VTA1: variants seen among roughly 807,000 people sequenced by gnomAD.
VTA1 encodes the protein vesicle trafficking 1, also known as vacuolar protein sorting-associated protein VTA1 homolog.
A neutral mutation model predicts 36.9 loss-of-function variants in VTA1; 24 were observed. That is an observed-to-expected ratio of 0.65 (90% confidence interval 0.47 to 0.91). VTA1 has a LOEUF of 0.91. Among genes scored for constraint, VTA1 ranks in the 40% least tolerant of loss-of-function variants. The pLI, the probability that VTA1 is intolerant of heterozygous loss-of-function variation, is 0.00. For synonymous variants in VTA1, 142 were observed against 130.2 expected (o/e 1.09, Z -0.62); for missense variants, 393 against 377.2 (o/e 1.04, Z -0.35).
intron 4 of VTA1, among the ~76,000 whole-genome samples, chr6:142,185,626 A>G (rs1775324649): frequency 6.6e-6 from 1 of 152,242 alleles, no homozygotes. Context: ...TGGAAAAGTC[A>G]GTGCTTTAGC....
chr6:142,206,386 A>G (rs1775790823), intron 7 of VTA1, among the ~76,000 whole-genome samples: 1 of 152,264 alleles, frequency 6.6e-6, no homozygotes, highest in Non-Finnish European at 1.5e-5. Context: ...ATTCAGGTAT[A>G]AATGTAACAA....
At position 142,218,884 on chromosome 6, in the gene VTA1, A is replaced by G. The variant is rs1333455856; in HGVS notation, c.*241A>G. On this transcript the variant is annotated 3_prime_UTR_variant, in exon 8 of 8. Transcript: ENST00000367630. ...TAGGGCTGATGTTAGCAAGACCCTA[A>G]AAATGTCCATTGAACCCTGCTTCAA... The G allele has an allele frequency of 6.0e-6, 2 of 334,926 alleles. No homozygotes were observed. The highest frequency in any genetic ancestry group is 5.0e-5 in the Admixed American group (1 of 19,916). 20.7% of individuals were successfully genotyped at this position (334,926 alleles called of 1,614,324 possible). A position where few individuals can be genotyped will look rare whatever the true frequency, so the allele number is the denominator to read the frequency against.
At chr6:142,195,320 T>G (rs1775522627) in intron 5 of VTA1, among the ~76,000 whole-genome samples, 1 of 152,070 alleles carries the variant, frequency 6.6e-6, no homozygotes, top group African/African-American at 2.4e-5. Context: ...TTTTGTATCT[T>G]CAAGTGATTT....
At chr6:142,176,169 C>T (rs1448223218) in intron 4 of VTA1, among the ~76,000 whole-genome samples, 1 of 152,146 alleles carries the variant, frequency 6.6e-6, no homozygotes, top group Non-Finnish European at 1.5e-5. Context: ...ATTCATTTCA[C>T]TACTAGCAGT....
intron 1 of VTA1, among the ~76,000 whole-genome samples, chr6:142,154,984 G>A (rs1778636803): frequency 6.6e-6 from 1 of 151,814 alleles, no homozygotes; most frequent in Non-Finnish European, 1.5e-5. Flanking sequence ...CATTGATACA[G>A]CAGAACTTTG....
chr6:142,197,600 C>T (rs1411343756), intron 5 of VTA1, among the ~76,000 whole-genome samples: 1 of 152,190 alleles, frequency 6.6e-6, no homozygotes, highest in Non-Finnish European at 1.5e-5. Flanking sequence ...TTTCATTCCT[C>T]TGTTTTTATT....
chr6:142,210,127 A>C (rs1467475946), intron 7 of VTA1, among the ~76,000 whole-genome samples: 2 of 152,178 alleles, frequency 1.3e-5, no homozygotes, highest in African/African-American at 4.8e-5. Context: ...TTTACAACCA[A>C]CTTATTTTTG....
At chr6:142,166,731 C>T (rs1350300851) in intron 2 of VTA1, among the ~76,000 whole-genome samples, 4 of 151,998 alleles carry the variant, frequency 2.6e-5, no homozygotes, top group Non-Finnish European at 4.4e-5. Context: ...AAGCAATTCT[C>T]TTACATCAGC....
Position 142,221,174 on chromosome 6 carries a change from T to C in VTA1, c.*2531T>C, listed in dbSNP as rs1366917148. ...CAAAGGTGTCTCTGGACGACCGGCA[T>C]CAGCATCACCTGCGAACTTGCTAGA... On this transcript the variant is annotated 3_prime_UTR_variant, in exon 8 of 8. Coordinates refer to ENST00000367630, the MANE Select transcript of VTA1 (RefSeq NM_016485.5). 1 of 152,220 alleles carries C rather than the reference T, an allele frequency of 6.6e-6. No individual in the cohort carries two copies. The highest frequency in any genetic ancestry group is 1.5e-5 in the Non-Finnish European group (1 of 68,042). The allele number at this position is 152,220 out of a possible 1,614,324, so 9.4% of individuals were successfully genotyped here. A position where few individuals can be genotyped will look rare whatever the true frequency, so the allele number is the denominator to read the frequency against.
In VTA1 at chr6:142,190,176, T is replaced by C. The variant is rs1453968351; in HGVS notation, c.520+642T>C. Among the ~76,000 whole-genome samples the C allele has an allele frequency of 3.9e-4, 60 of 152,198 alleles. 1 individual carries two copies. The highest frequency in any genetic ancestry group is 5.9e-5 in the Non-Finnish European group (4 of 68,036). On this transcript the variant is annotated intron_variant, in intron 5 of 7. Coordinates refer to ENST00000367630, the MANE Select transcript of VTA1 (RefSeq NM_016485.5). Reference sequence around the variant, plus strand: ...ATTTTTTGTAAATCTATTTGAGTTATGTAGGTTATTTGCGGAGTTAGTAAT... The same window carrying C: ...ATTTTTTGTAAATCTATTTGAGTTACGTAGGTTATTTGCGGAGTTAGTAAT...
At chr6:142,215,833 A>G (rs1418827345) in intron 7 of VTA1, among the ~76,000 whole-genome samples, 1 of 152,128 alleles carries the variant, frequency 6.6e-6, no homozygotes, top group African/African-American at 2.4e-5. Context: ...ATTTTTCTTT[A>G]TACCAAGTGA....
intron 6 of VTA1, chr6:142,198,901 T>G (rs913825368): frequency 4.9e-6 from 1 of 205,942 alleles, no homozygotes; most frequent in Non-Finnish European, 9.7e-6. Flanking sequence ...GCTGTTTTTC[T>G]TTTTCTTCTC....
intron 4 of VTA1, among the ~76,000 whole-genome samples, chr6:142,173,293 A>G (rs951611429): frequency 2.6e-5 from 4 of 152,250 alleles, no homozygotes; most frequent in South Asian, 2.1e-4. Flanking sequence ...TGTAAGAGGA[A>G]GAAGTTAATA....
At chr6:142,204,457 C>G (rs1039609729) in intron 7 of VTA1, among the ~76,000 whole-genome samples, 1 of 152,100 alleles carries the variant, frequency 6.6e-6, no homozygotes, top group South Asian at 2.1e-4. Context: ...AAGAAAGGAA[C>G]TGACCATTAT....
Position 142,221,807 on chromosome 6 carries a change from T to C in VTA1, c.*3164T>C, listed in dbSNP as rs1454633766. 1.4e-5 allele frequency: 2 copies of C among 147,878 alleles called. No individual in the cohort carries two copies. The highest frequency in any genetic ancestry group is 3.0e-5 in the Non-Finnish European group (2 of 67,196). The allele number at this position is 147,878 out of a possible 1,614,324, so 9.2% of individuals were successfully genotyped here. A position where few individuals can be genotyped will look rare whatever the true frequency, so the allele number is the denominator to read the frequency against. On this transcript the variant is annotated 3_prime_UTR_variant, in exon 8 of 8. Transcript: ENST00000367630. The stretch of plus-strand genomic sequence containing the variant: ...TATAAATCATAAATATATTAATAAA[T>C]ATATAATATATATATTAGCCTGGCA...
intron 7 of VTA1, among the ~76,000 whole-genome samples, chr6:142,214,238 C>T (rs1227307207): frequency 6.6e-6 from 1 of 152,182 alleles, no homozygotes; most frequent in African/African-American, 2.4e-5. Context: ...GGCAAAATGC[C>T]TCCAGCCTCT....
At chr6:142,200,599 T>A (rs1207969045) in intron 6 of VTA1, among the ~76,000 whole-genome samples, 1 of 151,998 alleles carries the variant, frequency 6.6e-6, no homozygotes, top group Non-Finnish European at 1.5e-5. Context: ...GCTAGTTTTG[T>A]GTAACAAAAA....
At chr6:142,160,899 A>G (rs1774791696) in intron 1 of VTA1, among the ~76,000 whole-genome samples, 1 of 152,172 alleles carries the variant, frequency 6.6e-6, no homozygotes, top group Admixed American at 6.5e-5. Flanking sequence ...TTGGACAATG[A>G]AAAAGCCAGA....
chr6:142,170,433 T>A lies in VTA1; in HGVS notation c.411+12T>A. The A allele has an allele frequency of 6.5e-7, 1 of 1,544,468 alleles. No individual in the cohort carries two copies. The highest frequency in any genetic ancestry group is 8.8e-7 in the Non-Finnish European group (1 of 1,131,172). ...AACTCACTGATGAAGTGAGTGTACA[T>A]TCTTTATTGTCTTATTAGCTGAAGA... On this transcript the variant is annotated intron_variant, in intron 4 of 7. Transcript: ENST00000367630.
Sources: allele counts gnomAD v4.1 joint callset (sites outside exome capture counted in the v4.1 genomes callset), GRCh38; gene constraint gnomAD v4.1.1; transcripts MANE v1.5; gene names NCBI Gene and HGNC (gene_info 2026-07-23, HGNC 2026-07-21).